The following PDPR variants were observed in gnomAD, a reference collection of about 807,000 sequenced individuals.
PDPR encodes the protein pyruvate dehydrogenase phosphatase regulatory subunit, mitochondrial.
PDPR carries 50 observed loss-of-function variants against 102.2 expected under a neutral mutation model. The ratio of observed to expected loss-of-function variants is 0.49; its 90% CI spans 0.39 to 0.62. The LOEUF (loss-of-function observed/expected upper bound fraction) is 0.62, where lower values mean the gene tolerates loss of function less well. Among genes scored for constraint, PDPR ranks in the 20% least tolerant of loss-of-function variants. The probability of loss-of-function intolerance (pLI) is 0.00; values close to 1 mark genes in which losing one functional copy is unlikely to be tolerated. For synonymous variants in PDPR, 259 were observed against 406.0 expected (o/e 0.64, Z 4.35); for missense variants, 625 against 1,098.2 (o/e 0.57, Z 6.09).
chr16:70,153,631 TAG>T, intron 18 of PDPR, 58 bp downstream of exon 18: 1 of 1,483,286 alleles, frequency 6.7e-7, no homozygotes, highest in Non-Finnish European at 9.1e-7. Flanking sequence ...GAATCTGCAC[TAG>T]ACTAGGAAGA....
intron 2 of PDPR, among the ~76,000 whole-genome samples, chr16:70,116,997 G>C (rs998285540): frequency 2.0e-5 from 3 of 150,564 alleles, no homozygotes; most frequent in Non-Finnish European, 3.0e-5. Flanking sequence ...GAAAGGTAGC[G>C]TGGAGTCATG....
intron 8 of PDPR, chr16:70,131,866 C>T: frequency 2.8e-6 from 4 of 1,433,868 alleles, no homozygotes; most frequent in Non-Finnish European, 3.7e-6. Context: ...TCGCTTGGCA[C>T]AGTGGGAGTT....
At chr16:70,144,080 T>C (rs1966011993) in intron 14 of PDPR, among the ~76,000 whole-genome samples, 1 of 152,080 alleles carries the variant, frequency 6.6e-6, no homozygotes, top group Non-Finnish European at 1.5e-5. Flanking sequence ...TTTGTAGAGA[T>C]AGGGTTTTGC....
chr16:70,154,337 A>G (rs1010472946), intron 18 of PDPR, among the ~76,000 whole-genome samples: 1 of 152,236 alleles, frequency 6.6e-6, no homozygotes, highest in East Asian at 1.9e-4. Context: ...CAGAAAAAAG[A>G]AAACATAGTA....
rs1464385279 is a variant in PDPR at position 70,119,085 on chromosome 16, A to G, written c.-32-1376A>G. The stretch of plus-strand genomic sequence containing the variant: ...CTCATCCTCCTGTACACATGACTGC[A>G]TGGACAGCCAGTAGGTGCTTTCTTC... On this transcript the variant is annotated intron_variant, in intron 2 of 18. Transcript: ENST00000288050. Among the ~76,000 whole-genome samples, 30 of 151,712 alleles carry G rather than the reference A, an allele frequency of 2.0e-4. No homozygotes were observed. The East Asian group carries it at 3.1e-3, about 16-fold the overall frequency.
intron 2 of PDPR, among the ~76,000 whole-genome samples, chr16:70,119,916 G>GTT (rs1963048537): frequency 2.3e-5 from 3 of 131,484 alleles, no homozygotes; most frequent in African/African-American, 1.3e-4. Context: ...TTTTTTGTTT[G>GTT]TTTGTTTGTT....
intron 3 of PDPR, among the ~76,000 whole-genome samples, chr16:70,125,552 C>CAAAAA (rs1164711741): frequency 9.4e-6 from 1 of 106,842 alleles, no homozygotes; most frequent in African/African-American, 3.7e-5. Context: ...AACTGCGTCT[C>CAAAAA]AAAAAAAAAA....
intron 9 of PDPR, among the ~76,000 whole-genome samples, chr16:70,134,374 C>T (rs1169555479): frequency 1.3e-5 from 2 of 152,034 alleles, no homozygotes; most frequent in Non-Finnish European, 2.9e-5. Context: ...TACAGGCGCC[C>T]ACCACAACGC....
chr16:70,127,616 C>T (rs1216409017), intron 4 of PDPR, among the ~76,000 whole-genome samples: 6 of 152,230 alleles, frequency 3.9e-5, no homozygotes, highest in African/African-American at 7.2e-5. Context: ...GGTGAAACCC[C>T]GTCTCTACTA....
At chr16:70,142,039 G>A (rs1312463600) in intron 11 of PDPR, among the ~76,000 whole-genome samples, 195 bp from the exon 12 acceptor site, 4 of 152,230 alleles carry the variant, frequency 2.6e-5, no homozygotes, top group African/African-American at 9.7e-5. Flanking sequence ...GGCAGAGGTT[G>A]CAGTAAGCCG....
At position 70,138,207 on chromosome 16, in the gene PDPR, ATTT is replaced by A. The variant is rs1201065640; in HGVS notation, c.1191-666_1191-664del. 8.0e-3 allele frequency among the ~76,000 whole-genome samples: 751 copies of A among 93,680 alleles called. 1 individual carries two copies. The highest frequency in any genetic ancestry group is 0.011 in the Non-Finnish European group (567 of 50,634). 61.5% of individuals were successfully genotyped at this position (93,680 alleles called of 152,430 possible). A position where few individuals can be genotyped will look rare whatever the true frequency, so the allele number is the denominator to read the frequency against. On this transcript the variant is annotated intron_variant, in intron 10 of 18. Transcript: ENST00000288050. ...CAGGCATGTGCCACCACGCCGGCTA[ATTT>A]TTTTTTTTTTTTTTTTTTTTTTTTT...
chr16:70,154,964 G>A (rs1966959971), intron 18 of PDPR, among the ~76,000 whole-genome samples: 1 of 152,114 alleles, frequency 6.6e-6, no homozygotes, highest in Non-Finnish European at 1.5e-5. Flanking sequence ...TTTTGTTTTG[G>A]GCGGATCACC....
chr16:70,155,802 C>CTTTTTTTTTTT (rs60054362), intron 18 of PDPR, among the ~76,000 whole-genome samples: 2 of 139,658 alleles, frequency 1.4e-5, no homozygotes, highest in African/African-American at 5.4e-5. Flanking sequence ...ATAAAAAAGT[C>CTTTTTTTTTTT]TTTTTTTTTT....
rs529919548 is a variant in PDPR at position 70,158,345 on chromosome 16, C to G, written c.*1466C>G. On this transcript the variant is annotated 3_prime_UTR_variant, in exon 19 of 19. Transcript: ENST00000288050. Reference sequence around the variant, plus strand: ...TGGTTAGTAAAACTCTAGCCTTTGGCGTGTTGGTATCTTGGAAGCATTAGC... The same window carrying G: ...TGGTTAGTAAAACTCTAGCCTTTGGGGTGTTGGTATCTTGGAAGCATTAGC... 6.6e-6 allele frequency: 1 copy of G among 152,462 alleles called. No individual in the cohort carries two copies. The highest frequency in any genetic ancestry group is 2.4e-5 in the African/African-American group (1 of 41,480). The allele number at this position is 152,462 out of a possible 1,614,324, so 9.4% of individuals were successfully genotyped here. A position where few individuals can be genotyped will look rare whatever the true frequency, so the allele number is the denominator to read the frequency against.
At chr16:70,152,898 C>T (rs1597379738) in intron 17 of PDPR, among the ~76,000 whole-genome samples, 1 of 152,292 alleles carries the variant, frequency 6.6e-6, no homozygotes, top group East Asian at 1.9e-4. Context: ...GGCTCCCCCG[C>T]CGTCATCCGA....
chr16:70,156,527 TG>T lies in PDPR; in HGVS notation c.2289del (p.Tyr764IlefsTer16). 1 of 1,614,004 alleles carries T rather than the reference TG, an allele frequency of 6.2e-7. No homozygotes were observed. ...CTCCTGCAGCAGAAGCAGAATGGAG[TG>T]TATAAACGCCTCACCATGTTCATCC... ...DALLQQKQNGVYKRLTMFILD... is the reference protein window; with the variant it reads ...DALLQQKQNGXYKRLTMFILD... On this transcript the variant is annotated frameshift_variant, in exon 19 of 19. Transcript: ENST00000288050. LOFTEE classifies it high-confidence loss of function.
At chr16:70,135,395 A>G (rs1965020417) in intron 9 of PDPR, among the ~76,000 whole-genome samples, 1 of 152,200 alleles carries the variant, frequency 6.6e-6, no homozygotes, top group African/African-American at 2.4e-5. Flanking sequence ...CACCATCACG[A>G]CTGGCTAATT....
chr16:70,158,042 G>C lies in PDPR; in HGVS notation c.*1163G>C, dbSNP rs1398057212. On this transcript the variant is annotated 3_prime_UTR_variant, in exon 19 of 19. Transcript: ENST00000288050. Reference sequence around the variant, plus strand: ...CACGTTAGTCCACTGAGAGTTCTGAGTCCAAAGGGTGTACGTTGCATAAGG... The same window carrying C: ...CACGTTAGTCCACTGAGAGTTCTGACTCCAAAGGGTGTACGTTGCATAAGG... 1 of 153,462 alleles carries C rather than the reference G, an allele frequency of 6.5e-6. No homozygotes were observed. The highest frequency in any genetic ancestry group is 6.5e-5 in the Admixed American group (1 of 15,292). 9.5% of individuals were successfully genotyped at this position (153,462 alleles called of 1,614,324 possible).
At position 70,159,795 on chromosome 16, in the gene PDPR, C is replaced by A. The variant is rs1371820062; in HGVS notation, c.*2916C>A. ...GGGGAGGCCAGTAGATGCCCCAGAT[C>A]CAGAGCCGTGGCTGCAAATCCAGCA... is the stretch of plus-strand genomic sequence containing the variant. On this transcript the variant is annotated 3_prime_UTR_variant, in exon 19 of 19. Coordinates refer to ENST00000288050, the MANE Select transcript of PDPR (RefSeq NM_017990.5). 1.3e-5 allele frequency: 2 copies of A among 152,920 alleles called. No individual in the cohort carries two copies. Among genetic ancestry groups the A allele is most frequent in the South Asian group, 2.1e-4 (1 of 4,844 alleles). 9.5% of individuals were successfully genotyped at this position (152,920 alleles called of 1,614,324 possible).
Sources: allele counts gnomAD v4.1 joint callset (sites outside exome capture counted in the v4.1 genomes callset), GRCh38; gene constraint gnomAD v4.1.1; transcripts MANE v1.5; gene names NCBI Gene and HGNC (gene_info 2026-07-23, HGNC 2026-07-21).